SEZ6L: variants seen among roughly 807,000 people sequenced by gnomAD.
The protein encoded by SEZ6L is seizure 6-like protein.
A neutral mutation model predicts 106.2 loss-of-function variants in SEZ6L; 37 were observed. That is an observed-to-expected ratio of 0.35 (90% CI 0.27 to 0.46). The LOEUF (loss-of-function observed/expected upper bound fraction) is 0.46, where lower values mean the gene tolerates loss of function less well. Ranked by LOEUF, SEZ6L falls within the 20% of genes least tolerant of loss-of-function variation. The pLI is 1.00. For synonymous variants in SEZ6L, 541 were observed against 570.4 expected (o/e 0.95, Z 0.73); for missense variants, 1,172 against 1,332.8 (o/e 0.88, Z 1.88).
intron 7 of SEZ6L, 130 bp downstream of exon 7, chr22:26,310,966 GT>G (rs2081809975): frequency 1.8e-5 from 16 of 882,260 alleles, no homozygotes; most frequent in Non-Finnish European, 2.6e-5. Flanking sequence ...GGATCCTTTG[GT>G]TTCCAAAGAC....
At chr22:26,331,939 C>T (rs1403656629) in intron 9 of SEZ6L, among the ~76,000 whole-genome samples, 2 of 151,928 alleles carry the variant, frequency 1.3e-5, no homozygotes, top group East Asian at 2.0e-4. Context: ...GAGCTGAGAT[C>T]GTGCCACTGC....
At chr22:26,353,289 G>A (rs1601593552) in intron 12 of SEZ6L, among the ~76,000 whole-genome samples, 2 of 152,286 alleles carry the variant, frequency 1.3e-5, no homozygotes, top group South Asian at 4.1e-4. Context: ...ACATTGCTAA[G>A]CACACTATAC....
At chr22:26,232,603 C>A (rs11703532) in intron 1 of SEZ6L, among the ~76,000 whole-genome samples, 2 of 152,080 alleles carry the variant, frequency 1.3e-5, no homozygotes, top group Non-Finnish European at 2.9e-5. Context: ...AAATGCTTAC[C>A]ATTGCATTAC....
At chr22:26,238,784 C>T (rs9620595) in intron 1 of SEZ6L, among the ~76,000 whole-genome samples, 16,285 of 152,190 alleles carry the variant, frequency 0.11, 1,778 homozygotes, top group African/African-American at 0.27. Context: ...GAGGTTCATG[C>T]AGTTAGGAAG....
chr22:26,363,297 G>A (rs948612000), intron 12 of SEZ6L, among the ~76,000 whole-genome samples: 1 of 152,206 alleles, frequency 6.6e-6, no homozygotes, highest in Non-Finnish European at 1.5e-5. Flanking sequence ...AGAGAAAAGG[G>A]TTCTAGCTGG....
intron 1 of SEZ6L, among the ~76,000 whole-genome samples, chr22:26,252,814 A>G (rs921042436): frequency 3.9e-5 from 6 of 152,164 alleles, no homozygotes; most frequent in Admixed American, 3.3e-4. Context: ...ATTTTATCCA[A>G]TCCATCATTG....
intron 1 of SEZ6L, among the ~76,000 whole-genome samples, chr22:26,251,376 T>C (rs1311208304): frequency 6.6e-6 from 1 of 152,056 alleles, no homozygotes; most frequent in Non-Finnish European, 1.5e-5. Flanking sequence ...ATGTTGAATT[T>C]CATTAAATGC....
intron 1 of SEZ6L, among the ~76,000 whole-genome samples, chr22:26,234,183 G>C (rs534542256): frequency 6.0e-4 from 92 of 152,302 alleles, no homozygotes; most frequent in African/African-American, 2.1e-3. Flanking sequence ...GAGGGGGCAG[G>C]GGAGTCATTC....
At chr22:26,230,284 A>C (rs989590783) in intron 1 of SEZ6L, among the ~76,000 whole-genome samples, 1 of 151,806 alleles carries the variant, frequency 6.6e-6, no homozygotes, top group Non-Finnish European at 1.5e-5. Flanking sequence ...AGAAAAAAAG[A>C]TAACCATTTG....
intron 1 of SEZ6L, among the ~76,000 whole-genome samples, chr22:26,226,781 T>C (rs1569398035): frequency 1.3e-5 from 2 of 152,212 alleles, no homozygotes; most frequent in African/African-American, 4.8e-5. Flanking sequence ...AGCTGCCAGC[T>C]GAGACATGCA....
chr22:26,316,610 T>A (rs1173327811), intron 9 of SEZ6L, among the ~76,000 whole-genome samples: 2 of 151,922 alleles, frequency 1.3e-5, no homozygotes, highest in South Asian at 2.1e-4. Context: ...GGTGGGTGGA[T>A]CATTTGAGGT....
chr22:26,328,172 C>T lies in SEZ6L; in HGVS notation c.2016-12264C>T, dbSNP rs74542786. 1.1e-3 allele frequency among the ~76,000 whole-genome samples: 169 copies of T among 152,244 alleles called. 1 individual carries two copies. Among genetic ancestry groups the T allele is most frequent in the African/African-American group, 3.7e-3 (155 of 41,540 alleles). On this transcript the variant is annotated intron_variant, in intron 9 of 16. Coordinates refer to ENST00000248933, the MANE Select transcript of SEZ6L (RefSeq NM_021115.5). The stretch of plus-strand genomic sequence containing the variant: ...ATTTGCATCTGGGGAAACTGAGACC[C>T]GGGTTGGGAAGCCTCTTGTCCAGTC...
At chr22:26,256,393 C>A (rs1246660283) in intron 1 of SEZ6L, among the ~76,000 whole-genome samples, 2 of 152,192 alleles carry the variant, frequency 1.3e-5, no homozygotes, top group African/African-American at 4.8e-5. Context: ...TCCCCATAGC[C>A]AAAATGGCCA....
At chr22:26,266,006 A>G (rs887314151) in intron 1 of SEZ6L, among the ~76,000 whole-genome samples, 2 of 152,200 alleles carry the variant, frequency 1.3e-5, no homozygotes, top group African/African-American at 2.4e-5. Flanking sequence ...TCTCCACCTG[A>G]TCACTGCCTC....
At chr22:26,319,845 G>A (rs1056721025) in intron 9 of SEZ6L, among the ~76,000 whole-genome samples, 13 of 152,172 alleles carry the variant, frequency 8.5e-5, no homozygotes, top group Admixed American at 7.2e-4. Context: ...TAAATAAAAG[G>A]CAAGGAAGTA....
intron 11 of SEZ6L, among the ~76,000 whole-genome samples, chr22:26,348,572 AAGAAAGAAAGAAAG>A (rs1569473331): frequency 1.2e-4 from 12 of 100,292 alleles, no homozygotes; most frequent in South Asian, 3.9e-4. Context: ...GGAGGAAAGA[AAGAAAGAAAGAAAG>A]AGAAAGAAAG....
At chr22:26,285,364 G>T (rs2145868082) in intron 1 of SEZ6L, among the ~76,000 whole-genome samples, 1 of 152,282 alleles carries the variant, frequency 6.6e-6, no homozygotes. Context: ...ATTAAACTAA[G>T]ACCTTCTCCA....
chr22:26,333,466 A>G (rs1419716256), intron 9 of SEZ6L, among the ~76,000 whole-genome samples: 1 of 152,192 alleles, frequency 6.6e-6, no homozygotes, highest in Non-Finnish European at 1.5e-5. Flanking sequence ...ACTGGCTGAG[A>G]GGAGTCCCCT....
At chr22:26,279,493 T>C (rs2080686940) in intron 1 of SEZ6L, among the ~76,000 whole-genome samples, 1 of 152,132 alleles carries the variant, frequency 6.6e-6, no homozygotes, top group Non-Finnish European at 1.5e-5. Context: ...TGCCAATAAA[T>C]TCATCTCCAG....
Sources: gnomAD v4.1 joint callset for allele counts (sites outside exome capture counted in the v4.1 genomes callset) on GRCh38, gnomAD v4.1.1 for gene constraint, MANE v1.5 for transcripts, NCBI Gene and HGNC (gene_info 2026-07-23, HGNC 2026-07-21) for gene names.